The following PEX7 variants were observed in gnomAD, a reference collection of about 807,000 sequenced individuals.
PEX7 encodes the protein peroxisomal biogenesis factor 7, also known as PTS2 receptor.
In PEX7, 34 loss-of-function variants were observed where a neutral mutation model predicts 47.5. The ratio of observed to expected loss-of-function variants is 0.72; its 90% CI spans 0.54 to 0.95. The LOEUF (loss-of-function observed/expected upper bound fraction) is 0.95. Ranked by LOEUF, PEX7 falls within the 40% of genes least tolerant of loss-of-function variation. The pLI, the probability that PEX7 is intolerant of heterozygous loss-of-function variation, is 0.00. For missense variants in PEX7, 394 were observed against 400.3 expected (o/e 0.98, Z 0.13); for synonymous variants, 141 against 148.8 (o/e 0.95, Z 0.38).
intron 3 of PEX7, among the ~76,000 whole-genome samples, chr6:136,843,985 A>T (rs1276486199): frequency 6.6e-6 from 1 of 152,232 alleles, no homozygotes; most frequent in African/African-American, 2.4e-5. Context: ...AAAACCCATT[A>T]TGAACAAAAT....
At chr6:136,874,543 G>A (rs1775235051) in intron 8 of PEX7, among the ~76,000 whole-genome samples, 1 of 151,780 alleles carries the variant, frequency 6.6e-6, no homozygotes, top group African/African-American at 2.4e-5. Flanking sequence ...ATGATGGCAG[G>A]TGCCTGTAAT....
intron 3 of PEX7, among the ~76,000 whole-genome samples, chr6:136,840,096 G>T (rs957854539): frequency 6.6e-6 from 1 of 152,180 alleles, no homozygotes; most frequent in Non-Finnish European, 1.5e-5. Context: ...TGTGCTTAGA[G>T]CTGTCAGCGT....
At chr6:136,898,550 G>A (rs898423486) in intron 9 of PEX7, among the ~76,000 whole-genome samples, 6 of 152,114 alleles carry the variant, frequency 3.9e-5, no homozygotes, top group South Asian at 2.1e-4. Flanking sequence ...CAGGATTGTC[G>A]CCACGGGTTG....
chr6:136,857,813 G>C (rs141016026), intron 5 of PEX7, among the ~76,000 whole-genome samples: 1 of 152,164 alleles, frequency 6.6e-6, no homozygotes, highest in Non-Finnish European at 1.5e-5. Flanking sequence ...CAGAGTAAAA[G>C]CTCTGTGAGC....
chr6:136,869,234 T>G (rs1775128988), intron 6 of PEX7, among the ~76,000 whole-genome samples: 1 of 151,944 alleles, frequency 6.6e-6, no homozygotes. Context: ...CTTGAAAACC[T>G]TTTTTAAATT....
At chr6:136,843,388 A>T (rs1774537039) in intron 3 of PEX7, among the ~76,000 whole-genome samples, 1 of 152,216 alleles carries the variant, frequency 6.6e-6, no homozygotes, top group African/African-American at 2.4e-5. Context: ...AAACTACGTC[A>T]TGTGGACCAG....
intron 8 of PEX7, among the ~76,000 whole-genome samples, chr6:136,884,163 A>G (rs897126089): frequency 6.6e-6 from 1 of 152,216 alleles, no homozygotes; most frequent in Non-Finnish European, 1.5e-5. Context: ...TGTCGAGAAT[A>G]AGACTTTAAT....
chr6:136,835,049 C>T (rs1355444150), intron 3 of PEX7, among the ~76,000 whole-genome samples: 1 of 151,786 alleles, frequency 6.6e-6, no homozygotes, highest in Non-Finnish European at 1.5e-5. Context: ...AAGTGATTGT[C>T]CTGCCTCACT....
chr6:136,859,152 A>G (rs1310277282), intron 5 of PEX7, among the ~76,000 whole-genome samples: 3 of 152,194 alleles, frequency 2.0e-5, no homozygotes, highest in East Asian at 1.9e-4. Context: ...TCAAAGTTGT[A>G]TAGTTTTGCA....
intron 3 of PEX7, among the ~76,000 whole-genome samples, chr6:136,832,510 T>C (rs2115143480): frequency 6.6e-6 from 1 of 152,378 alleles, no homozygotes. Flanking sequence ...CTGCAGCAGG[T>C]TTGAATTTCC....
intron 3 of PEX7, among the ~76,000 whole-genome samples, chr6:136,834,238 G>A (rs546150722): frequency 1.3e-5 from 2 of 152,286 alleles, no homozygotes; most frequent in African/African-American, 4.8e-5. Context: ...TGTTGCCCAG[G>A]CAGACTGCAG....
chr6:136,913,616 CT>C lies in PEX7; in HGVS notation c.*94del. The C allele has an allele frequency of 1.1e-6, 1 of 875,476 alleles. No individual in the cohort carries two copies. Among genetic ancestry groups the C allele is most frequent in the South Asian group, 1.3e-5 (1 of 75,434 alleles). The allele number at this position is 875,476 out of a possible 1,614,324, so 54.2% of individuals were successfully genotyped here. ...AACTATGGAAAACATAGACATTATG[CT>C]TTTATATGCTATTCAGATTTCAAAT... On this transcript the variant is annotated 3_prime_UTR_variant, in exon 10 of 10. Transcript: ENST00000318471.
chr6:136,868,210 G>A (rs1474420616), intron 6 of PEX7, among the ~76,000 whole-genome samples: 1 of 152,158 alleles, frequency 6.6e-6, no homozygotes, highest in African/African-American at 2.4e-5. Flanking sequence ...AGTACACTCT[G>A]TGATGTTCAC....
intron 8 of PEX7, among the ~76,000 whole-genome samples, chr6:136,891,772 C>G (rs1775559637): frequency 6.6e-6 from 1 of 152,028 alleles, no homozygotes; most frequent in Admixed American, 6.6e-5. Context: ...TCCCAAGTAG[C>G]TGGGACTGTA....
intron 8 of PEX7, among the ~76,000 whole-genome samples, chr6:136,888,459 G>GT (rs1019851717): frequency 3.3e-5 from 5 of 152,002 alleles, no homozygotes; most frequent in South Asian, 2.1e-4. Flanking sequence ...CCCTATCACC[G>GT]TTTTTTGCTT....
In PEX7 at chr6:136,913,495, A is replaced by C; in HGVS notation, c.941A>C (p.Tyr314Ser). The stretch of plus-strand genomic sequence containing the variant: ...TCTTGGGATGAAACAATAAAGATCT[A>C]TGACCCTGCTTGTCTTACTATTCCT... The part of the protein sequence containing the change: ...DCSWDETIKI[Y>S]DPACLTIPA Residue 314 changes from tyrosine to serine, a missense_variant, in exon 10 of 10, where the codon TAT (tyrosine) becomes TCT (serine). By Grantham distance (144) the Tyr-to-Ser change is moderately radical. Coordinates refer to ENST00000318471, the MANE Select transcript of PEX7 (RefSeq NM_000288.4). The C allele has an allele frequency of 6.2e-7, 1 of 1,612,726 alleles. No homozygotes were observed. Among genetic ancestry groups the C allele is most frequent in the Non-Finnish European group, 8.5e-7 (1 of 1,179,054 alleles).
In PEX7 at chr6:136,826,514, C is replaced by A. The variant is rs771441953; in HGVS notation, c.339+45C>A. On this transcript the variant is annotated intron_variant, in intron 3 of 9. Coordinates refer to ENST00000318471, the MANE Select transcript of PEX7 (RefSeq NM_000288.4). ...GGGCTGATTATTTTTCTTTCTTCGACTTTGGTTGAAATCCATTTGGGGATG... is the reference window on the plus strand; with the variant it reads ...GGGCTGATTATTTTTCTTTCTTCGAATTTGGTTGAAATCCATTTGGGGATG... The A allele has an allele frequency of 5.0e-6, 8 of 1,612,104 alleles. No homozygotes were observed. In the South Asian group the frequency reaches 7.7e-5, roughly 16 times the overall value.
chr6:136,863,193 T>G (rs1166936597), intron 5 of PEX7, among the ~76,000 whole-genome samples: 2 of 152,196 alleles, frequency 1.3e-5, no homozygotes, highest in Non-Finnish European at 2.9e-5. Flanking sequence ...TCCTGAATTT[T>G]ATAACTTGTC....
intron 3 of PEX7, among the ~76,000 whole-genome samples, chr6:136,831,064 C>T (rs377179570): frequency 3.9e-5 from 6 of 152,142 alleles, no homozygotes; most frequent in South Asian, 2.1e-4. Context: ...GCTGAGAAGT[C>T]AATAATGATA....
Sources: allele counts gnomAD v4.1 joint callset (sites outside exome capture counted in the v4.1 genomes callset), GRCh38; gene constraint gnomAD v4.1.1; transcripts MANE v1.5; gene names NCBI Gene and HGNC (gene_info 2026-07-23, HGNC 2026-07-21).